C4orf50: variants seen among roughly 807,000 people sequenced by gnomAD.
The protein encoded by C4orf50 is chromosome 4 open reading frame 50, also known as uncharacterized protein C4orf50.
C4orf50 carries 80 observed loss-of-function variants against 77.2 expected under a neutral mutation model. The ratio of observed to expected loss-of-function variants is 1.04; its 90% CI spans 0.87 to 1.25. The LOEUF is 1.25. Among genes scored for constraint, C4orf50 ranks in the 50% most tolerant of loss-of-function variants. The pLI, the probability that C4orf50 is intolerant of heterozygous loss-of-function variation, is 0.00. For missense variants in C4orf50, 1,257 were observed against 1,152.9 expected (o/e 1.09, Z -1.31); for synonymous variants, 532 against 465.3 (o/e 1.14, Z -1.84).
intron 33 of C4orf50, among the ~76,000 whole-genome samples, chr4:5,959,860 GTGAGGCTCCCTCTC>G (rs1560565330): frequency 6.6e-6 from 1 of 152,186 alleles, no homozygotes; most frequent in East Asian, 1.9e-4. Context: ...TTGGGGCAGC[GTGAGGCTCCCTCTC>G]CACGTCATGT....
chr4:5,975,949 C>G, exon 30 of C4orf50: 1 of 1,613,518 alleles, frequency 6.2e-7, no homozygotes, highest in Non-Finnish European at 8.5e-7. Context: ...TTCTGAAGTT[C>G]TTCAAGCTGA....
At chr4:5,930,324 A>G (rs1488326573) in intron 7 of C4orf50, among the ~76,000 whole-genome samples, 1 of 152,216 alleles carries the variant, frequency 6.6e-6, no homozygotes, top group Non-Finnish European at 1.5e-5. Flanking sequence ...TTTATGTGTC[A>G]GGTGCTATTT....
chr4:5,966,571 C>T (rs1359492265), intron 32 of C4orf50, among the ~76,000 whole-genome samples: 1 of 151,614 alleles, frequency 6.6e-6, no homozygotes, highest in Non-Finnish European at 1.5e-5. Flanking sequence ...GTTTTAGGTG[C>T]TGTCCTAGCC....
At chr4:6,006,779 C>T (rs1426245801) in intron 25 of C4orf50, among the ~76,000 whole-genome samples, 2 of 152,228 alleles carry the variant, frequency 1.3e-5, no homozygotes, top group Non-Finnish European at 2.9e-5. Context: ...CTCTACTCCA[C>T]AGTGCTGGGG....
At chr4:5,920,952 G>A (rs1441507941) in intron 7 of C4orf50, among the ~76,000 whole-genome samples, 3 of 139,652 alleles carry the variant, frequency 2.1e-5, no homozygotes, top group Non-Finnish European at 3.2e-5. Flanking sequence ...CGGGTTGTAC[G>A]ATGCTTCCAG....
At chr4:5,957,003 G>C (rs1718997145), downstream of C4orf50, 1 of 152,256 alleles carries the variant, frequency 6.6e-6, no homozygotes, top group Non-Finnish European at 1.5e-5. Context: ...CCAGGCGAGG[G>C]GAGTCCGCCA....
chr4:5,927,914 T>C (rs1462226070), intron 7 of C4orf50, among the ~76,000 whole-genome samples: 2 of 152,156 alleles, frequency 1.3e-5, no homozygotes, highest in African/African-American at 2.4e-5. Flanking sequence ...AACACCTGCC[T>C]GGGTCCCTCC....
intron 7 of C4orf50, among the ~76,000 whole-genome samples, chr4:5,930,669 C>T (rs1030954825): frequency 2.6e-5 from 4 of 152,206 alleles, no homozygotes; most frequent in Non-Finnish European, 5.9e-5. Context: ...CTGGGTGGGT[C>T]TGCTCATCAC....
At chr4:5,987,412 C>CATAAAAAAAA (rs1720929446) in intron 28 of C4orf50, among the ~76,000 whole-genome samples, 1 of 33,664 alleles carries the variant, frequency 3.0e-5, no homozygotes, top group Non-Finnish European at 5.6e-5. Context: ...CTCTGTCTCA[C>CATAAAAAAAA]AAAAAAAAAA....
rs924751815 is a variant in C4orf50, at chr4:6,008,529, G to A, written c.430C>T (p.Arg144Trp). Residue 144 changes from arginine to tryptophan, a missense_variant, in exon 25 of 34, where the codon CGG (arginine) becomes TGG (tryptophan). By Grantham distance (101) the Arg-to-Trp change is moderately radical. Transcript: ENST00000531445. The surrounding 1 kb of genome is among the most constrained non-coding windows in gnomAD (Gnocchi z 6.0). ...TGCCGCCTGGCCACGCTCTCCTCCCGGATCTACAAGTTGGCGGTGGATGAG... is the reference window on the plus strand; with the variant it reads ...TGCCGCCTGGCCACGCTCTCCTCCCAGATCTACAAGTTGGCGGTGGATGAG... 3.5e-5 allele frequency: 14 copies of A among 397,836 alleles called. No individual in the cohort carries two copies. The highest frequency in any genetic ancestry group is 1.8e-4 in the African/African-American group (9 of 48,676). The allele number at this position is 397,836 out of a possible 1,614,324, so 24.6% of individuals were successfully genotyped here.
chr4:6,000,044 C>T lies in C4orf50; in HGVS notation c.964-5568G>A, dbSNP rs1254975402. On this transcript the variant is annotated intron_variant, in intron 25 of 33. Transcript: ENST00000531445. This position sits in a 1 kb window ranked among gnomAD's most constrained non-coding sequence, Gnocchi z 6.0. ...AGGAGGTTGAACTTGATCCTGAGGC[C>T]GTGGGCAGCCATGGTGGGGTGCTTA... Among the ~76,000 whole-genome samples the T allele has an allele frequency of 6.6e-6, 1 of 152,060 alleles. No individual in the cohort carries two copies. Among genetic ancestry groups the T allele is most frequent in the South Asian group, 2.1e-4 (1 of 4,806 alleles).
chr4:5,980,125 G>A, intron 29 of C4orf50, 49 bp downstream of exon 7: 2 of 1,504,958 alleles, frequency 1.3e-6, no homozygotes, highest in South Asian at 1.3e-5. Flanking sequence ...AACGCCCCGG[G>A]GTGTGGGAGC....
At chr4:6,004,051 A>C (rs148472043) in intron 25 of C4orf50, among the ~76,000 whole-genome samples, 4,862 of 39,440 alleles carry the variant, frequency 0.12, no homozygotes, top group African/African-American at 0.14. Context: ...GGTGATGGTG[A>C]TGATGGTGAT....
chr4:5,994,854 C>A (rs143778822), intron 25 of C4orf50, among the ~76,000 whole-genome samples: 3 of 152,180 alleles, frequency 2.0e-5, no homozygotes, highest in Non-Finnish European at 2.9e-5. Flanking sequence ...GAGCAGCAGG[C>A]GAGCAGGCAT....
chr4:5,989,536 T>TTTG, exon 28 of C4orf50: 2 of 1,536,128 alleles, frequency 1.3e-6, no homozygotes, highest in Non-Finnish European at 1.7e-6. Context: ...GCTCCAGTTC[T>TTTG]CTCCCCTACA....
chr4:5,983,092 C>A (rs1031060618), intron 28 of C4orf50, among the ~76,000 whole-genome samples: 1 of 152,168 alleles, frequency 6.6e-6, no homozygotes, highest in Admixed American at 6.5e-5. Flanking sequence ...GTCCCGTGGA[C>A]TCCAGCTCCA....
exon 28 of C4orf50, chr4:5,990,744 C>G (rs1361491016): frequency 2.5e-6 from 1 of 399,004 alleles, no homozygotes; most frequent in Non-Finnish European, 4.4e-6. Flanking sequence ...GGAGGAGTGA[C>G]TCGTCCAAGC....
At chr4:5,960,807 A>G (rs1331896510) in intron 33 of C4orf50, among the ~76,000 whole-genome samples, 1 of 152,202 alleles carries the variant, frequency 6.6e-6, no homozygotes, top group Non-Finnish European at 1.5e-5. Flanking sequence ...ACGCAAGGTC[A>G]TTCTGGGCTG....
chr4:5,917,103 G>T (rs187650450), intron 7 of C4orf50, among the ~76,000 whole-genome samples: 34 of 152,166 alleles, frequency 2.2e-4, no homozygotes, highest in African/African-American at 3.1e-4. Context: ...CACATTTTTT[G>T]ATATAATTCT....
Sources: gnomAD v4.1 joint callset for allele counts (sites outside exome capture counted in the v4.1 genomes callset) on GRCh38, gnomAD v4.1.1 for gene constraint, Gnocchi (gnomAD v3.1) non-coding constraint, MANE v1.5 for transcripts, NCBI Gene and HGNC (gene_info 2026-07-23, HGNC 2026-07-21) for gene names.